Variants in KLHL1 observed in about 807,000 individuals in gnomAD.
KLHL1 encodes the protein kelch-like protein 1.
A neutral mutation model predicts 77.7 loss-of-function variants in KLHL1; 47 were observed. The ratio of observed to expected loss-of-function variants is 0.60; its 90% CI spans 0.48 to 0.77. The LOEUF (loss-of-function observed/expected upper bound fraction) is 0.77, where lower values mean the gene tolerates loss of function less well. Ranked by LOEUF, KLHL1 falls within the 30% of genes least tolerant of loss-of-function variation. The pLI is 0.00. For missense variants in KLHL1, 925 were observed against 910.8 expected (o/e 1.02, Z -0.20); for synonymous variants, 360 against 325.2 (o/e 1.11, Z -1.15).
chr13:69,871,776 T>A (rs114160814), intron 5 of KLHL1, among the ~76,000 whole-genome samples: 2,584 of 151,900 alleles, frequency 0.017, 72 homozygotes, highest in African/African-American at 0.058. Context: ...TTTGCTCCAG[T>A]TCCCAATAAG....
chr13:69,715,163 G>A (rs780196160), intron 9 of KLHL1, among the ~76,000 whole-genome samples: 1 of 152,122 alleles, frequency 6.6e-6, no homozygotes, highest in Admixed American at 6.6e-5. Flanking sequence ...AGAAAGCAGG[G>A]CTCCTAAATA....
chr13:69,757,305 A>AT (rs1367991973), intron 7 of KLHL1, among the ~76,000 whole-genome samples: 1 of 152,144 alleles, frequency 6.6e-6, no homozygotes, highest in African/African-American at 2.4e-5. Context: ...AGACAATTTC[A>AT]TTATTTCTGT....
intron 5 of KLHL1, among the ~76,000 whole-genome samples, chr13:69,880,333 C>T (rs1005110314): frequency 1.3e-5 from 2 of 151,972 alleles, no homozygotes; most frequent in Non-Finnish European, 2.9e-5. Flanking sequence ...TATATGAAGA[C>T]ATTTTATAAA....
intron 1 of KLHL1, among the ~76,000 whole-genome samples, chr13:70,078,245 T>A (rs1395840888): frequency 1.3e-5 from 2 of 151,890 alleles, no homozygotes; most frequent in Non-Finnish European, 1.5e-5. Context: ...ACCAACCACC[T>A]TCTTATTACA....
intron 4 of KLHL1, among the ~76,000 whole-genome samples, chr13:69,934,809 CT>C (rs767163462): frequency 1.7e-4 from 25 of 150,942 alleles, no homozygotes; most frequent in Admixed American, 6.0e-4. Flanking sequence ...TATGAACATT[CT>C]TTAACCAAAT....
chr13:69,912,312 C>CA (rs1202117637), intron 4 of KLHL1, among the ~76,000 whole-genome samples: 2 of 152,098 alleles, frequency 1.3e-5, no homozygotes, highest in African/African-American at 4.8e-5. Context: ...AAACTGAGTA[C>CA]ATTTATCCCT....
At chr13:70,075,659 CTA>C (rs1202184255) in intron 1 of KLHL1, among the ~76,000 whole-genome samples, 178 of 126,392 alleles carry the variant, frequency 1.4e-3, no homozygotes, top group African/African-American at 4.8e-3. Flanking sequence ...ATATATATAC[CTA>C]TGTGTGTGTG....
chr13:69,786,730 G>A (rs1404884334), intron 7 of KLHL1, among the ~76,000 whole-genome samples: 1 of 152,192 alleles, frequency 6.6e-6, no homozygotes, highest in Non-Finnish European at 1.5e-5. Context: ...CCTGTTTGCA[G>A]ATGACATGAT....
intron 5 of KLHL1, among the ~76,000 whole-genome samples, chr13:69,872,260 G>C (rs982079431): frequency 2.0e-5 from 3 of 152,080 alleles, no homozygotes; most frequent in Admixed American, 6.5e-5. Flanking sequence ...AAGTACATAG[G>C]GGGGACTCCA....
chr13:70,034,469 T>C (rs923068313), intron 1 of KLHL1, among the ~76,000 whole-genome samples: 3 of 152,310 alleles, frequency 2.0e-5, no homozygotes, highest in Non-Finnish European at 2.9e-5. Flanking sequence ...CAGCAGTTAG[T>C]GCCCATATGG....
At chr13:69,933,917 G>A (rs999044538) in intron 4 of KLHL1, among the ~76,000 whole-genome samples, 3 of 151,442 alleles carry the variant, frequency 2.0e-5, no homozygotes, top group Non-Finnish European at 2.9e-5. Context: ...TCAGGAATTC[G>A]ACTTAATATT....
chr13:69,855,046 C>A (rs1372986769), intron 5 of KLHL1, among the ~76,000 whole-genome samples: 1 of 151,902 alleles, frequency 6.6e-6, no homozygotes, highest in African/African-American at 2.4e-5. Context: ...ATAGGAATTA[C>A]ATATATGTAA....
intron 1 of KLHL1, among the ~76,000 whole-genome samples, chr13:70,002,529 C>A (rs1007536671): frequency 6.6e-6 from 1 of 151,244 alleles, no homozygotes; most frequent in Admixed American, 6.6e-5. Context: ...GGGAAGGGGA[C>A]AGAGAAAATA....
rs1237100844 is a variant in KLHL1 at position 69,901,787 on chromosome 13, C to CTTTTTTTTTTTTTTTTTT, written c.1015-19293_1015-19292insAAAAAAAAAAAAAAAAAA. ...TGAGTTTTTCATTTTCTTTCTTTTT[C>CTTTTTTTTTTTTTTTTTT]TTTTTTTCTTTTTTTTTTTTTTTTT... On this transcript the variant is annotated intron_variant, in intron 4 of 10. Transcript: ENST00000377844. 2.5e-5 allele frequency among the ~76,000 whole-genome samples: 2 copies of CTTTTTTTTTTTTTTTTTT among 80,146 alleles called. 1 individual carries two copies. The allele number at this position is 80,146 out of a possible 152,430, so 52.6% of individuals were successfully genotyped here.
chr13:70,014,866 A>C (rs1269346788), intron 1 of KLHL1, among the ~76,000 whole-genome samples: 1 of 152,122 alleles, frequency 6.6e-6, no homozygotes, highest in Non-Finnish European at 1.5e-5. Flanking sequence ...TTTCCCCTTT[A>C]GTTGGAGTAG....
chr13:69,773,842 G>A (rs781620971), intron 7 of KLHL1, among the ~76,000 whole-genome samples: 4 of 148,686 alleles, frequency 2.7e-5, no homozygotes, highest in Non-Finnish European at 4.5e-5. Flanking sequence ...TTTCTCTCTG[G>A]CACCCAGAGA....
intron 5 of KLHL1, among the ~76,000 whole-genome samples, chr13:69,856,964 C>G (rs1035880060): frequency 3.3e-5 from 5 of 151,966 alleles, no homozygotes; most frequent in African/African-American, 1.2e-4. Context: ...ACTTGTCTAC[C>G]GTTCCAACCT....
intron 6 of KLHL1, among the ~76,000 whole-genome samples, chr13:69,832,634 C>T (rs535694568): frequency 3.7e-5 from 5 of 135,714 alleles, no homozygotes; most frequent in South Asian, 4.3e-4. Flanking sequence ...CCTGCCTAGC[C>T]AAAGCAAGAC....
intron 7 of KLHL1, among the ~76,000 whole-genome samples, chr13:69,780,674 TTC>T (rs1262778869): frequency 1.5e-5 from 2 of 129,224 alleles, no homozygotes; most frequent in African/African-American, 5.9e-5. Context: ...TCACTCTGAA[TTC>T]TCTTTCTTCA....
Sources: gnomAD v4.1 joint callset for allele counts (sites outside exome capture counted in the v4.1 genomes callset) on GRCh38, gnomAD v4.1.1 for gene constraint, MANE v1.5 for transcripts, NCBI Gene and HGNC (gene_info 2026-07-23, HGNC 2026-07-21) for gene names.